SEC24D: variants seen among roughly 807,000 people sequenced by gnomAD.
SEC24D encodes protein transport protein Sec24D.
Under a neutral mutation model 116.9 loss-of-function variants are expected in SEC24D, and 69 were observed. The ratio of observed to expected loss-of-function variants is 0.59; its 90% CI spans 0.49 to 0.72. The LOEUF (loss-of-function observed/expected upper bound fraction) is 0.72, where lower values mean the gene tolerates loss of function less well. SEC24D is among the 30% of genes least tolerant of loss of function. SEC24D has a pLI of 0.00. For synonymous variants in SEC24D, 405 were observed against 442.8 expected, an observed-to-expected ratio of 0.91 and a Z score of 1.07; for missense variants, 1,131 against 1,264.1, an observed-to-expected ratio of 0.89 and a Z score of 1.60.
Position 118,744,090 on chromosome 4 carries a change from A to AGAGCAGCCGT in SEC24D, c.1883_1892dup (p.Val632ArgfsTer11). 6.2e-7 allele frequency: 1 copy of AGAGCAGCCGT among 1,613,610 alleles called. No individual in the cohort carries two copies. ...GACTAGGAAAGAGGAAGAGTGTCAC[A>AGAGCAGCCGT]GAGCAGCCGTGAGCCACGCAGTCCT... On this transcript the variant is annotated frameshift_variant, in exon 15 of 23. Transcript: ENST00000280551. LOFTEE classifies it high-confidence loss of function.
chr4:118,747,917 T>A (rs77892124), intron 13 of SEC24D, among the ~76,000 whole-genome samples: 1,537 of 152,318 alleles, frequency 0.01, 25 homozygotes, highest in African/African-American at 0.035. Context: ...GAGAATTCCA[T>A]CATCCAGTAC....
intron 7 of SEC24D, among the ~76,000 whole-genome samples, chr4:118,800,102 G>A (rs779923867): frequency 3.3e-4 from 50 of 152,256 alleles, no homozygotes; most frequent in South Asian, 6.2e-4. Context: ...AAATGCAGGT[G>A]GGCACAGTGG....
intron 2 of SEC24D, among the ~76,000 whole-genome samples, chr4:118,831,225 C>A (rs145194166): frequency 0.044 from 6,652 of 152,220 alleles, 203 homozygotes; most frequent in Non-Finnish European, 0.064. Flanking sequence ...GACCGGGATT[C>A]ACCATGTTGG....
At chr4:118,831,612 G>T (rs944155109) in intron 2 of SEC24D, among the ~76,000 whole-genome samples, 14 of 150,698 alleles carry the variant, frequency 9.3e-5, no homozygotes, top group African/African-American at 2.4e-4. Flanking sequence ...AGATTTTTTT[G>T]ATTTTTTTTT....
intron 8 of SEC24D, among the ~76,000 whole-genome samples, chr4:118,792,250 C>T (rs1352695157): frequency 1.3e-5 from 2 of 151,476 alleles, no homozygotes; most frequent in Middle Eastern, 3.2e-3. Context: ...CTCCGCCCGG[C>T]AGCCGCCCCG....
At chr4:118,815,760 C>A (rs564062555) in intron 4 of SEC24D, 34 bp from the exon 5 acceptor site, 2 of 1,607,140 alleles carry the variant, frequency 1.2e-6, no homozygotes, top group Admixed American at 3.3e-5. Flanking sequence ...CACTTAAATA[C>A]CACATTTCTC....
rs747269051 is a variant in SEC24D, at chr4:118,744,130, T to C, written c.1853A>G (p.Tyr618Cys). Residue 618 changes from tyrosine to cysteine, a missense_variant, in exon 15 of 23, where the codon TAT (tyrosine) becomes TGT (cysteine). By Grantham distance (194) the Tyr-to-Cys change is radical. Coordinates refer to ENST00000280551, the MANE Select transcript of SEC24D (RefSeq NM_014822.4). ...KILFQPQTNV[Y>C]DSLAKDCVAH... ...CACGCAGTCCTTGGCCAATGAGTCATAGACATTTGTTTGGGGCTGGAAAAG... is the reference window on the plus strand; with the variant it reads ...CACGCAGTCCTTGGCCAATGAGTCACAGACATTTGTTTGGGGCTGGAAAAG... 4.0e-5 allele frequency: 64 copies of C among 1,590,572 alleles called. No homozygotes were observed. Among genetic ancestry groups the C allele is most frequent in the East Asian group, 1.1e-4 (5 of 44,466 alleles).
At chr4:118,732,496 AAG>A (rs1010470692) in intron 20 of SEC24D, among the ~76,000 whole-genome samples, 3 of 152,060 alleles carry the variant, frequency 2.0e-5, no homozygotes, top group African/African-American at 7.2e-5. Flanking sequence ...AACAGACTGA[AAG>A]AGACGCAGAA....
chr4:118,832,167 G>A (rs973991071), intron 2 of SEC24D, among the ~76,000 whole-genome samples: 4 of 152,116 alleles, frequency 2.6e-5, no homozygotes, highest in East Asian at 1.9e-4. Context: ...CCCAGGAGGC[G>A]GAGGTTGCAG....
intron 10 of SEC24D, among the ~76,000 whole-genome samples, chr4:118,762,449 T>C (rs959979152): frequency 2.0e-5 from 3 of 152,158 alleles, no homozygotes; most frequent in African/African-American, 7.2e-5. Context: ...GACTAAATGA[T>C]ACAATACATA....
intron 15 of SEC24D, among the ~76,000 whole-genome samples, chr4:118,741,566 T>C (rs1182063417): frequency 1.3e-5 from 2 of 152,168 alleles, no homozygotes; most frequent in Non-Finnish European, 2.9e-5. Context: ...TATGCACATG[T>C]GCACAATACT....
intron 8 of SEC24D, among the ~76,000 whole-genome samples, chr4:118,776,948 T>C (rs539909900): frequency 1.3e-5 from 2 of 152,210 alleles, no homozygotes; most frequent in African/African-American, 4.8e-5. Flanking sequence ...ACCCTAAAGA[T>C]AAAAAGGGTT....
At chr4:118,819,093 A>C (rs913511419) in intron 3 of SEC24D, among the ~76,000 whole-genome samples, 1 of 152,236 alleles carries the variant, frequency 6.6e-6, no homozygotes, top group Non-Finnish European at 1.5e-5. Flanking sequence ...ATATAATTCT[A>C]GTCCTGCATG....
chr4:118,831,612 GA>G (rs1210542014), intron 2 of SEC24D, among the ~76,000 whole-genome samples: 45 of 150,698 alleles, frequency 3.0e-4, no homozygotes, highest in Non-Finnish European at 6.1e-4. Flanking sequence ...AGATTTTTTT[GA>G]TTTTTTTTTT....
At chr4:118,784,025 A>T (rs1176590257) in intron 8 of SEC24D, among the ~76,000 whole-genome samples, 1 of 152,228 alleles carries the variant, frequency 6.6e-6, no homozygotes, top group African/African-American at 2.4e-5. Flanking sequence ...CAACATGGCG[A>T]AACCTTGTCT....
At chr4:118,751,087 C>T (rs1473247036) in intron 13 of SEC24D, among the ~76,000 whole-genome samples, 3 of 148,378 alleles carry the variant, frequency 2.0e-5, no homozygotes, top group Admixed American at 6.8e-5. Flanking sequence ...TTAATAACAA[C>T]ATTTTAAAAT....
intron 11 of SEC24D, among the ~76,000 whole-genome samples, chr4:118,754,542 A>C (rs954898425): frequency 6.6e-6 from 1 of 152,122 alleles, no homozygotes; most frequent in African/African-American, 2.4e-5. Flanking sequence ...ACAGGACCCA[A>C]AGCTTATGTT....
intron 13 of SEC24D, 37 bp from the exon 14 acceptor site, chr4:118,745,097 T>C: frequency 8.7e-7 from 1 of 1,143,044 alleles, no homozygotes; most frequent in East Asian, 2.3e-5. Flanking sequence ...CCACAGAAAA[T>C]GCCGTGAGTA....
chr4:118,776,390 T>C (rs891065740), intron 8 of SEC24D, among the ~76,000 whole-genome samples: 2 of 152,296 alleles, frequency 1.3e-5, no homozygotes, highest in East Asian at 3.9e-4. Flanking sequence ...CACATTAAAC[T>C]GTACACTGAA....
Sources: allele counts gnomAD v4.1 joint callset (sites outside exome capture counted in the v4.1 genomes callset), GRCh38; gene constraint gnomAD v4.1.1; transcripts MANE v1.5; gene names NCBI Gene and HGNC (gene_info 2026-07-23, HGNC 2026-07-21).